PACRGL: variants seen among roughly 807,000 people sequenced by gnomAD.
PACRGL encodes the protein parkin coregulated like.
Under a neutral mutation model 34.5 loss-of-function variants are expected in PACRGL, and 38 were observed. The observed-to-expected ratio is 1.10, with a 90% CI of 0.85 to 1.44. The LOEUF is 1.44. Among genes scored for constraint, PACRGL ranks in the 40% most tolerant of loss-of-function variants. The pLI is 0.00. For missense variants in PACRGL, 305 were observed against 281.4 expected (o/e 1.08, Z -0.60); for synonymous variants, 128 against 100.1 (o/e 1.28, Z -1.66).
chr4:20,761,929 A>G, the PACRGL span, among the ~76,000 whole-genome samples: 7 of 152,138 alleles, frequency 4.6e-5, no homozygotes, highest in African/African-American at 7.2e-5. Flanking sequence ...CTGTATGCCT[A>G]TTATTCCAGG....
downstream of PACRGL, among the ~76,000 whole-genome samples, chr4:20,757,632 G>A (rs1754591127): frequency 6.6e-6 from 1 of 152,098 alleles, no homozygotes; most frequent in African/African-American, 2.4e-5. Context: ...AAAATGTCAT[G>A]TCCCTACTGC....
chr4:20,738,276 T>A (rs1215400147), intron 8 of PACRGL, among the ~76,000 whole-genome samples: 2 of 152,312 alleles, frequency 1.3e-5, no homozygotes, highest in African/African-American at 4.8e-5. Flanking sequence ...TTTTTAAAAA[T>A]TCACAGCGTA....
intron 8 of PACRGL, among the ~76,000 whole-genome samples, chr4:20,740,725 T>C (rs1750859303): frequency 6.6e-6 from 1 of 152,104 alleles, no homozygotes; most frequent in African/African-American, 2.4e-5. Context: ...CACATAACAA[T>C]ATTAACCTTA....
chr4:20,707,023 A>AT (rs1734799590), intron 3 of PACRGL, among the ~76,000 whole-genome samples: 1 of 152,238 alleles, frequency 6.6e-6, no homozygotes, highest in African/African-American at 2.4e-5. Flanking sequence ...CTTAAAAAAA[A>AT]TTATCTAGTT....
At chr4:20,754,954 T>C (rs1248246745), downstream of PACRGL, among the ~76,000 whole-genome samples, 1 of 152,200 alleles carries the variant, frequency 6.6e-6, no homozygotes, top group Non-Finnish European at 1.5e-5. Context: ...ATAGTAAATA[T>C]AATTTTTCTT....
the PACRGL span, among the ~76,000 whole-genome samples, chr4:20,763,983 C>G: frequency 6.6e-6 from 1 of 152,136 alleles, no homozygotes; most frequent in Non-Finnish European, 1.5e-5. Flanking sequence ...AATGTTTGAG[C>G]ATGAATTTTT....
chr4:20,755,348 G>T (rs1310789658), downstream of PACRGL, among the ~76,000 whole-genome samples: 1 of 152,146 alleles, frequency 6.6e-6, no homozygotes, highest in Non-Finnish European at 1.5e-5. Context: ...TCTGACTTTT[G>T]TATGAAACAA....
chr4:20,754,307 A>T (rs1578536689), downstream of PACRGL, among the ~76,000 whole-genome samples: 1 of 152,196 alleles, frequency 6.6e-6, no homozygotes, highest in African/African-American at 2.4e-5. Flanking sequence ...AATTGCAGAG[A>T]GTTCTGTAGA....
chr4:20,701,718 C>A, intron 1 of PACRGL: 1 of 367,026 alleles, frequency 2.7e-6, no homozygotes, highest in Non-Finnish European at 5.5e-6. Context: ...CCCTTGGTGT[C>A]CGTGGAGAAT....
In PACRGL at chr4:20,724,825, G is replaced by T; in HGVS notation, c.627G>T (p.Met209Ile). 6.7e-7 allele frequency: 1 copy of T among 1,491,074 alleles called. No individual in the cohort carries two copies. The highest frequency in any genetic ancestry group is 8.9e-7 in the Non-Finnish European group (1 of 1,129,032). The allele number at this position is 1,491,074 out of a possible 1,614,324, so 92.4% of individuals were successfully genotyped here. ...HLLTSLSKRLMDKKFKEPITS... is the reference protein window; with the variant it reads ...HLLTSLSKRLIDKKFKEPITS... The stretch of plus-strand genomic sequence containing the variant: ...TTTAAAAGCTTTCCAAGAGATTAAT[G>T]GACAAGAAATTCAAAGAGCCAATCA... Residue 209 changes from methionine (M) to isoleucine (I), a missense_variant, in exon 8 of 9, where the codon ATG becomes ATT. By Grantham distance (10) the Met-to-Ile change is conservative. Transcript: ENST00000503585.
chr4:20,727,081 C>G (rs1336746112), intron 8 of PACRGL, among the ~76,000 whole-genome samples: 2 of 152,224 alleles, frequency 1.3e-5, no homozygotes, highest in Non-Finnish European at 2.9e-5. Context: ...CTAACTACTT[C>G]TCTAGTTAGA....
At position 20,731,318 on chromosome 4, in the gene PACRGL, C is replaced by T. The variant is rs1445306681; in HGVS notation, c.*3977C>T. ...CAAAATCCTGGCCTTAAGTTATCTT[C>T]CCGCCTCAGCCTCCCATAGTGCTGG... is the stretch of plus-strand genomic sequence containing the variant. On this transcript the variant is annotated 3_prime_UTR_variant, in exon 9 of 9. Transcript: ENST00000503585. 3.5e-6 allele frequency: 3 copies of T among 864,646 alleles called. No individual in the cohort carries two copies. Among genetic ancestry groups the T allele is most frequent in the Non-Finnish European group, 4.2e-6 (3 of 719,846 alleles). 53.6% of individuals were successfully genotyped at this position (864,646 alleles called of 1,614,324 possible).
chr4:20,741,977 G>A (rs1428610287), intron 8 of PACRGL, among the ~76,000 whole-genome samples: 4 of 152,158 alleles, frequency 2.6e-5, no homozygotes, highest in African/African-American at 9.7e-5. Context: ...TAGAAGAATG[G>A]ATAAATTCCT....
chr4:20,718,438 A>G (rs1741238785), intron 7 of PACRGL, among the ~76,000 whole-genome samples: 2 of 151,996 alleles, frequency 1.3e-5, no homozygotes, highest in Non-Finnish European at 2.9e-5. Flanking sequence ...TCCAGTTTCT[A>G]CCCATTCAGT....
chr4:20,744,292 T>A (rs1360031423), intron 8 of PACRGL, among the ~76,000 whole-genome samples: 2 of 152,156 alleles, frequency 1.3e-5, no homozygotes, highest in African/African-American at 2.4e-5. Flanking sequence ...TCATGCTGCT[T>A]TAAAGACACA....
chr4:20,721,822 T>C (rs934788474), intron 7 of PACRGL, among the ~76,000 whole-genome samples: 1 of 152,194 alleles, frequency 6.6e-6, no homozygotes, highest in South Asian at 2.1e-4. Flanking sequence ...TCAAACTCCG[T>C]GCTGGGAGAA....
chr4:20,749,588 C>T (rs1753207279), intron 8 of PACRGL: 2 of 1,067,546 alleles, frequency 1.9e-6, no homozygotes, highest in East Asian at 2.6e-5. Context: ...ATAATCATCA[C>T]CAAACTCACA....
intron 7 of PACRGL, among the ~76,000 whole-genome samples, chr4:20,714,455 A>C (rs930137378): frequency 1.8e-4 from 28 of 152,228 alleles, no homozygotes; most frequent in African/African-American, 3.4e-4. Flanking sequence ...TTTATCCAAT[A>C]TGCCAGTCTG....
downstream of PACRGL, among the ~76,000 whole-genome samples, chr4:20,754,751 T>A (rs1398326603): frequency 6.6e-6 from 1 of 152,256 alleles, no homozygotes; most frequent in East Asian, 1.9e-4. Flanking sequence ...AAAATAGATG[T>A]GCTCTGTTTA....
Sources: gnomAD v4.1 joint callset for allele counts (sites outside exome capture counted in the v4.1 genomes callset) on GRCh38, gnomAD v4.1.1 for gene constraint, MANE v1.5 for transcripts, NCBI Gene and HGNC (gene_info 2026-07-23, HGNC 2026-07-21) for gene names.